MTMR8: variants seen among roughly 807,000 people sequenced by gnomAD.
The protein encoded by MTMR8 is phosphatidylinositol-3,5-bisphosphate 3-phosphatase MTMR8.
MTMR8 carries 65 observed loss-of-function variants against 39.3 expected under a neutral mutation model. The observed-to-expected ratio is 1.65, with a 90% CI of 1.35 to 2.03. The LOEUF is 2.03. Among genes scored for constraint, MTMR8 ranks in the 30% most tolerant of loss-of-function variants. MTMR8 has a pLI of 0.00. For synonymous variants in MTMR8, 245 were observed against 185.2 expected (o/e 1.32, Z -2.62); for missense variants, 777 against 538.9 (o/e 1.44, Z -4.37).
chrX:64,281,340 T>A (rs759588175), intron 12 of MTMR8, among the ~76,000 whole-genome samples: 7 of 111,351 alleles, frequency 6.3e-5, no homozygotes, highest in African/African-American at 1.3e-4. Flanking sequence ...ATGGTATTGG[T>A]CCCAAAACAG....
At chrX:64,269,710 G>T (rs1280490027) in intron 13 of MTMR8, among the ~76,000 whole-genome samples, 1 of 110,685 alleles carries the variant, frequency 9.0e-6, no homozygotes, top group African/African-American at 3.3e-5. Flanking sequence ...TCTGAAGGTG[G>T]TGGGGGGAGT....
intron 1 of MTMR8, among the ~76,000 whole-genome samples, chrX:64,385,446 C>A (rs1924533366): frequency 8.9e-6 from 1 of 111,835 alleles, no homozygotes. Context: ...AGTAATGCCC[C>A]ACTCCTCGGT....
intron 12 of MTMR8, among the ~76,000 whole-genome samples, chrX:64,302,232 G>T (rs759547388): frequency 1.3e-3 from 143 of 112,670 alleles, no homozygotes; most frequent in African/African-American, 4.4e-3. Context: ...CGCGGGCGTA[G>T]GACCCTCCGA....
In MTMR8 at chrX:64,300,084, T is replaced by A. The variant is rs1390911553; in HGVS notation, c.1481+28688A>T. On this transcript the variant is annotated intron_variant, in intron 12 of 13. Coordinates refer to ENST00000374852, the MANE Select transcript of MTMR8 (RefSeq NM_017677.4). ...GATTTGGGGTGGAGAGTTCTGTAGA[T>A]GTCTATTAGGTCTGCTTGGTGCAGA... 1.2e-4 allele frequency among the ~76,000 whole-genome samples: 12 copies of A among 100,195 alleles called. No homozygotes were observed. The East Asian group carries it at 3.8e-3, about 32-fold the overall frequency. The allele number at this position is 100,195 out of a possible 115,157, so 87.0% of individuals were successfully genotyped here.
chrX:64,278,459 GGTTTTTTTTTT>G (rs1439890837), intron 12 of MTMR8, among the ~76,000 whole-genome samples: 7 of 49,855 alleles, frequency 1.4e-4, no homozygotes, highest in African/African-American at 8.0e-4. Flanking sequence ...TTATTTTGCT[GGTTTTTTTTTT>G]TTTTTTTTTT....
chrX:64,334,592 A>C (rs973678629), intron 10 of MTMR8, among the ~76,000 whole-genome samples: 13 of 106,484 alleles, frequency 1.2e-4, no homozygotes, highest in Non-Finnish European at 2.5e-4. Flanking sequence ...AAAAAAAAAA[A>C]AAACAGGGCT....
At chrX:64,362,030 G>C (rs1177601014) in intron 1 of MTMR8, among the ~76,000 whole-genome samples, 4 of 110,259 alleles carry the variant, frequency 3.6e-5, no homozygotes, top group Non-Finnish European at 7.6e-5. Context: ...TCCTATATCA[G>C]CAACGATCAC....
intron 12 of MTMR8, among the ~76,000 whole-genome samples, chrX:64,307,241 A>G (rs186030676): frequency 4.5e-5 from 5 of 111,844 alleles, no homozygotes; most frequent in Admixed American, 1.9e-4. Context: ...AAAGTTTTTA[A>G]TTTTATTGAG....
chrX:64,373,934 G>A (rs938703030), intron 1 of MTMR8, among the ~76,000 whole-genome samples: 3 of 111,699 alleles, frequency 2.7e-5, no homozygotes, highest in African/African-American at 9.8e-5. Context: ...ATGGACTCAG[G>A]AAGTTTTCTT....
At chrX:64,322,003 A>G (rs1922660291) in intron 12 of MTMR8, among the ~76,000 whole-genome samples, 1 of 110,095 alleles carries the variant, frequency 9.1e-6, no homozygotes, top group Non-Finnish European at 1.9e-5. Context: ...CTTGGGATGA[A>G]TTATGTTTTT....
At chrX:64,302,241 G>C (rs1260819072) in intron 12 of MTMR8, among the ~76,000 whole-genome samples, 1 of 112,566 alleles carries the variant, frequency 8.9e-6, no homozygotes, top group Admixed American at 9.3e-5. Flanking sequence ...AGGACCCTCC[G>C]AGCCAGGTGT....
chrX:64,381,735 A>C (rs2147246220), intron 1 of MTMR8, among the ~76,000 whole-genome samples: 1 of 111,363 alleles, frequency 9.0e-6, no homozygotes, highest in East Asian at 2.8e-4. Flanking sequence ...TTATGGTTTT[A>C]GGTCTAACAT....
chrX:64,285,224 G>C (rs1375546141), intron 12 of MTMR8, among the ~76,000 whole-genome samples: 2 of 111,640 alleles, frequency 1.8e-5, no homozygotes, highest in African/African-American at 6.5e-5. Context: ...AAGAGACAAA[G>C]AAGGCCATTA....
At chrX:64,389,642 G>A (rs1569234836) in intron 1 of MTMR8, among the ~76,000 whole-genome samples, 2 of 111,619 alleles carry the variant, frequency 1.8e-5, no homozygotes, top group Non-Finnish European at 3.8e-5. Context: ...GGATGCTCAG[G>A]CAAATCTCCC....
At chrX:64,373,134 C>T (rs934571210) in intron 1 of MTMR8, among the ~76,000 whole-genome samples, 12 of 111,885 alleles carry the variant, frequency 1.1e-4, no homozygotes, top group Admixed American at 4.8e-4. Context: ...GAAATTGGGT[C>T]TCAGAGAGGT....
intron 2 of MTMR8, among the ~76,000 whole-genome samples, chrX:64,358,878 C>CACACAT (rs1307525485): frequency 2.1e-4 from 22 of 107,064 alleles, no homozygotes; most frequent in African/African-American, 6.4e-4. Flanking sequence ...CACACACACA[C>CACACAT]ATATATATAT....
chrX:64,368,253 A>C (rs1432417179), intron 1 of MTMR8, among the ~76,000 whole-genome samples: 1 of 111,823 alleles, frequency 8.9e-6, no homozygotes, highest in African/African-American at 3.3e-5. Context: ...TTGGAAAAAA[A>C]ACTACTGTAA....
At chrX:64,317,714 G>A (rs1319735741) in intron 12 of MTMR8, among the ~76,000 whole-genome samples, 1 of 111,996 alleles carries the variant, frequency 8.9e-6, no homozygotes, top group East Asian at 2.8e-4. Context: ...TAAATATTTA[G>A]GTAATTTTGT....
At chrX:64,310,632 T>C (rs1033514949) in intron 12 of MTMR8, among the ~76,000 whole-genome samples, 6 of 111,293 alleles carry the variant, frequency 5.4e-5, no homozygotes, top group African/African-American at 1.6e-4. Context: ...GTATTTCTCC[T>C]AATGCTATCC....
Sources: gnomAD v4.1 joint callset for allele counts (sites outside exome capture counted in the v4.1 genomes callset) on GRCh38, gnomAD v4.1.1 for gene constraint, MANE v1.5 for transcripts, NCBI Gene and HGNC (gene_info 2026-07-23, HGNC 2026-07-21) for gene names.